The following CSMD3 variants were observed in gnomAD, a reference collection of about 807,000 sequenced individuals.
The protein encoded by CSMD3 is CUB and Sushi multiple domains 3, also known as CUB and sushi domain-containing protein 3.
A neutral mutation model predicts 435.2 loss-of-function variants in CSMD3; 177 were observed. The observed-to-expected ratio is 0.41, with a 90% CI of 0.36 to 0.46. CSMD3 has a LOEUF of 0.46. CSMD3 is among the 20% of genes least tolerant of loss of function. The probability of loss-of-function intolerance (pLI) is 0.34; values close to 1 mark genes in which losing one functional copy is unlikely to be tolerated. For missense variants in CSMD3, 4,265 were observed against 4,504.6 expected, an observed-to-expected ratio of 0.95 and a Z score of 1.52; for synonymous variants, 1,656 against 1,520.5, an observed-to-expected ratio of 1.09 and a Z score of -2.07.
chr8:112,552,389 G>A (rs1827761586), intron 26 of CSMD3, among the ~76,000 whole-genome samples: 1 of 152,028 alleles, frequency 6.6e-6, no homozygotes, highest in African/African-American at 2.4e-5. Context: ...GGGAGGCTGA[G>A]GTGGGAAGAT....
intron 17 of CSMD3, among the ~76,000 whole-genome samples, chr8:112,660,565 A>ATT (rs145106218): frequency 6.6e-6 from 1 of 151,594 alleles, no homozygotes; most frequent in African/African-American, 2.4e-5. Flanking sequence ...ATATTTAAGG[A>ATT]TTTTTTTTTC....
intron 1 of CSMD3, among the ~76,000 whole-genome samples, chr8:113,429,964 A>C (rs1455222880): frequency 2.0e-5 from 3 of 152,228 alleles, no homozygotes; most frequent in Non-Finnish European, 4.4e-5. Flanking sequence ...TACATTAATC[A>C]ATCCCTATTA....
At chr8:112,879,810 T>G (rs2081397054) in intron 10 of CSMD3, among the ~76,000 whole-genome samples, 1 of 151,930 alleles carries the variant, frequency 6.6e-6, no homozygotes, top group African/African-American at 2.4e-5. Flanking sequence ...CTCAGCAAAC[T>G]AACACAGGAA....
At chr8:112,519,010 C>T (rs1373764273) in intron 27 of CSMD3, among the ~76,000 whole-genome samples, 2 of 152,056 alleles carry the variant, frequency 1.3e-5, no homozygotes, top group African/African-American at 4.8e-5. Flanking sequence ...GAGAAGTCCG[C>T]TCCTGTGATT....
intron 6 of CSMD3, among the ~76,000 whole-genome samples, chr8:112,980,571 T>G (rs1320343611): frequency 1.3e-5 from 2 of 151,494 alleles, no homozygotes. Flanking sequence ...ACTAATTCTA[T>G]TCAAGCCATC....
At chr8:112,493,410 C>T (rs1480942992) in intron 30 of CSMD3, among the ~76,000 whole-genome samples, 1 of 152,016 alleles carries the variant, frequency 6.6e-6, no homozygotes, top group Non-Finnish European at 1.5e-5. Flanking sequence ...AGTGGTTTTT[C>T]TTCCTATGTT....
intron 38 of CSMD3, among the ~76,000 whole-genome samples, chr8:112,370,350 A>G (rs546031655): frequency 6.6e-6 from 1 of 152,208 alleles, no homozygotes; most frequent in Non-Finnish European, 1.5e-5. Context: ...GCTAATTACA[A>G]TTATTACCTA....
At chr8:112,997,518 C>T (rs1219044815) in intron 6 of CSMD3, among the ~76,000 whole-genome samples, 1 of 151,280 alleles carries the variant, frequency 6.6e-6, no homozygotes, top group Non-Finnish European at 1.5e-5. Context: ...TCATTTTTGA[C>T]TAGGGAATTT....
chr8:112,868,048 C>T (rs1167726068), intron 10 of CSMD3, among the ~76,000 whole-genome samples: 1 of 152,018 alleles, frequency 6.6e-6, no homozygotes, highest in Non-Finnish European at 1.5e-5. Flanking sequence ...ATTCTATATG[C>T]TTTTTTCTAT....
intron 10 of CSMD3, among the ~76,000 whole-genome samples, chr8:112,891,905 G>C (rs764638445): frequency 1.3e-5 from 2 of 151,356 alleles, no homozygotes; most frequent in Non-Finnish European, 3.0e-5. Context: ...CTGTGTGCAC[G>C]TGTGTGTGTA....
At chr8:112,541,215 C>T (rs1826630563) in intron 27 of CSMD3, among the ~76,000 whole-genome samples, 2 of 151,638 alleles carry the variant, frequency 1.3e-5, no homozygotes, top group Admixed American at 6.6e-5. Flanking sequence ...CTAACTTTCT[C>T]CTTCAACGAA....
chr8:112,285,320 G>A (rs1819075890), intron 58 of CSMD3, among the ~76,000 whole-genome samples: 1 of 151,998 alleles, frequency 6.6e-6, no homozygotes, highest in South Asian at 2.1e-4. Context: ...AAATAAGTTT[G>A]AGAAATAAAG....
chr8:113,186,036 C>A (rs2092495678), intron 3 of CSMD3, among the ~76,000 whole-genome samples: 2 of 151,978 alleles, frequency 1.3e-5, no homozygotes, highest in South Asian at 4.2e-4. Flanking sequence ...ATAAAAGGAG[C>A]CTGATCAGAT....
At chr8:112,908,373 A>G (rs528481154) in intron 10 of CSMD3, among the ~76,000 whole-genome samples, 1 of 151,506 alleles carries the variant, frequency 6.6e-6, no homozygotes, top group African/African-American at 2.4e-5. Context: ...TTATGACTCT[A>G]GTCATTTAGC....
intron 32 of CSMD3, among the ~76,000 whole-genome samples, chr8:112,435,786 T>C (rs1303439325): frequency 2.0e-5 from 3 of 152,154 alleles, no homozygotes; most frequent in South Asian, 2.1e-4. Context: ...TGATATACTA[T>C]GCTCTGAAAA....
chr8:112,987,329 T>C (rs1459786813), intron 6 of CSMD3, among the ~76,000 whole-genome samples: 1 of 152,146 alleles, frequency 6.6e-6, no homozygotes, highest in East Asian at 1.9e-4. Flanking sequence ...AAGATACCTT[T>C]GTATTTCTCC....
At chr8:112,639,279 C>G (rs2074750192) in intron 20 of CSMD3, among the ~76,000 whole-genome samples, 1 of 152,168 alleles carries the variant, frequency 6.6e-6, no homozygotes, top group South Asian at 2.1e-4. Context: ...CTTCTCCAAT[C>G]CCTTCGACCA....
At chr8:112,268,015 G>A (rs953477295) in intron 59 of CSMD3, among the ~76,000 whole-genome samples, 6 of 151,876 alleles carry the variant, frequency 4.0e-5, no homozygotes, top group African/African-American at 1.5e-4. Flanking sequence ...AAAATTCAGC[G>A]ATATCATTGT....
chr8:112,259,420 TCA>T (rs1313900720), intron 61 of CSMD3, among the ~76,000 whole-genome samples: 1 of 151,924 alleles, frequency 6.6e-6, no homozygotes, highest in Non-Finnish European at 1.5e-5. Flanking sequence ...GAGGGGAACA[TCA>T]CACACTGGGG....
Sources: gnomAD v4.1 joint callset for allele counts (sites outside exome capture counted in the v4.1 genomes callset) on GRCh38, gnomAD v4.1.1 for gene constraint, MANE v1.5 for transcripts, NCBI Gene and HGNC (gene_info 2026-07-23, HGNC 2026-07-21) for gene names.